OPCML: variants seen among roughly 807,000 people sequenced by gnomAD.
The protein encoded by OPCML is opioid binding protein/cell adhesion molecule like.
Under a neutral mutation model 37.8 loss-of-function variants are expected in OPCML, and 13 were observed. The observed-to-expected ratio is 0.34, with a 90% CI of 0.22 to 0.55. The LOEUF (loss-of-function observed/expected upper bound fraction) is 0.55. OPCML is among the 20% of genes least tolerant of loss of function. OPCML has a pLI of 0.91. For synonymous variants in OPCML, 176 were observed against 168.8 expected (o/e 1.04, Z -0.33); for missense variants, 341 against 435.6 (o/e 0.78, Z 1.93).
chr11:132,715,867 A>G (rs1380443879), intron 2 of OPCML, among the ~76,000 whole-genome samples: 2 of 152,166 alleles, frequency 1.3e-5, no homozygotes, highest in East Asian at 3.9e-4. Context: ...TACCTTACAA[A>G]TTAGTGGTCG....
chr11:133,087,206 A>G (rs995434171), intron 1 of OPCML, among the ~76,000 whole-genome samples: 5 of 152,210 alleles, frequency 3.3e-5, no homozygotes, highest in African/African-American at 1.2e-4. Flanking sequence ...CATTATCGTT[A>G]TATTTACCAA....
At chr11:133,075,229 T>C (rs1395951386) in intron 1 of OPCML, among the ~76,000 whole-genome samples, 1 of 152,202 alleles carries the variant, frequency 6.6e-6, no homozygotes, top group Non-Finnish European at 1.5e-5. Context: ...TCAATATTTC[T>C]ATGGCATTGT....
rs548468076 is a variant in OPCML at position 132,633,211 on chromosome 11, CT to C, written c.379+23875del. On this transcript the variant is annotated intron_variant, in intron 3 of 7. Transcript: ENST00000524381. ...AGGGGGACAATCGGTAGCTCTCTCT[CT>C]TTTTTTCTGAGACAGAGTCTCGCTC... Among the ~76,000 whole-genome samples, 152 of 152,164 alleles carry C rather than the reference CT, an allele frequency of 1.0e-3. 1 individual carries two copies. Among genetic ancestry groups the C allele is most frequent in the African/African-American group, 3.4e-3 (142 of 41,518 alleles).
intron 1 of OPCML, among the ~76,000 whole-genome samples, chr11:133,503,253 C>T (rs370287104): frequency 1.4e-4 from 22 of 152,292 alleles, no homozygotes; most frequent in South Asian, 1.2e-3. Context: ...TTCCCTGGCC[C>T]TATGAGCTCT....
intron 3 of OPCML, among the ~76,000 whole-genome samples, chr11:132,580,892 T>C (rs1252717282): frequency 6.6e-6 from 1 of 152,200 alleles, no homozygotes; most frequent in Non-Finnish European, 1.5e-5. Context: ...TATTTTGTTT[T>C]CTTTTTGCTT....
intron 1 of OPCML, among the ~76,000 whole-genome samples, chr11:133,296,922 G>T (rs1942645432): frequency 6.6e-6 from 1 of 152,132 alleles, no homozygotes; most frequent in African/African-American, 2.4e-5. Flanking sequence ...TTGGCCTTCA[G>T]TTCCCAGGAA....
At chr11:133,384,429 A>G (rs1945001366) in intron 1 of OPCML, among the ~76,000 whole-genome samples, 1 of 152,160 alleles carries the variant, frequency 6.6e-6, no homozygotes, top group Non-Finnish European at 1.5e-5. Context: ...GGTTGATAGT[A>G]TTAACATCTC....
At chr11:133,491,674 T>G (rs537323679) in intron 1 of OPCML, among the ~76,000 whole-genome samples, 1 of 152,294 alleles carries the variant, frequency 6.6e-6, no homozygotes, top group South Asian at 2.1e-4. Flanking sequence ...AGCAGCATGA[T>G]GAGGTTTGAA....
chr11:132,694,217 T>A (rs1470390300), intron 2 of OPCML, among the ~76,000 whole-genome samples: 1 of 120,738 alleles, frequency 8.3e-6, no homozygotes, highest in Non-Finnish European at 1.7e-5. Context: ...TTTTTTTTTT[T>A]AAGACGGAAT....
intron 1 of OPCML, among the ~76,000 whole-genome samples, chr11:133,529,316 C>A (rs956848125): frequency 6.6e-6 from 1 of 151,756 alleles, no homozygotes; most frequent in Admixed American, 6.5e-5. Flanking sequence ...TCGCTTCCTG[C>A]TTCCTACAGA....
At chr11:132,493,072 C>A (rs1365423106) in intron 4 of OPCML, among the ~76,000 whole-genome samples, 1 of 152,186 alleles carries the variant, frequency 6.6e-6, no homozygotes, top group Non-Finnish European at 1.5e-5. Flanking sequence ...GATGTGAGAA[C>A]AAAGAAGCCA....
chr11:133,082,839 A>G (rs951156722), intron 1 of OPCML, among the ~76,000 whole-genome samples: 2 of 149,122 alleles, frequency 1.3e-5, no homozygotes, highest in Non-Finnish European at 3.0e-5. Context: ...AGAGGTCGCC[A>G]GCCTGCAGGG....
At chr11:133,199,496 C>T (rs1333464884) in intron 1 of OPCML, among the ~76,000 whole-genome samples, 2 of 152,152 alleles carry the variant, frequency 1.3e-5, no homozygotes, top group African/African-American at 4.8e-5. Context: ...GGCAGGGGAA[C>T]AGTTAGCTGG....
chr11:132,749,066 G>C (rs574284505), intron 2 of OPCML, among the ~76,000 whole-genome samples: 520 of 152,228 alleles, frequency 3.4e-3, no homozygotes, highest in Non-Finnish European at 6.3e-3. Flanking sequence ...AAGTGATCAG[G>C]CTATGAGGGT....
At chr11:132,576,753 A>G (rs2096451884) in intron 3 of OPCML, among the ~76,000 whole-genome samples, 1 of 152,102 alleles carries the variant, frequency 6.6e-6, no homozygotes, top group African/African-American at 2.4e-5. Context: ...TCTTCTATAC[A>G]GGAGACGACT....
chr11:133,154,903 A>G (rs1159091059), intron 1 of OPCML, among the ~76,000 whole-genome samples: 2 of 152,216 alleles, frequency 1.3e-5, no homozygotes, highest in African/African-American at 4.8e-5. Flanking sequence ...AATTTTTCTT[A>G]TCTCAGAGAA....
At chr11:132,865,184 A>G (rs1359589643) in intron 2 of OPCML, among the ~76,000 whole-genome samples, 1 of 152,220 alleles carries the variant, frequency 6.6e-6, no homozygotes, top group Admixed American at 6.5e-5. Flanking sequence ...ACACACACAT[A>G]CGCGCGCACG....
At chr11:132,596,290 T>C (rs1478166482) in intron 3 of OPCML, among the ~76,000 whole-genome samples, 1 of 152,252 alleles carries the variant, frequency 6.6e-6, no homozygotes, top group Admixed American at 6.5e-5. Context: ...AGAGGCCAGA[T>C]GGGTTTGAAC....
chr11:132,708,850 C>T (rs1243752336), intron 2 of OPCML, among the ~76,000 whole-genome samples: 8 of 152,116 alleles, frequency 5.3e-5, no homozygotes, highest in South Asian at 2.1e-4. Context: ...AGATATTAAA[C>T]GATAATGAAA....
Sources: allele counts gnomAD v4.1 joint callset (sites outside exome capture counted in the v4.1 genomes callset), GRCh38; gene constraint gnomAD v4.1.1; transcripts MANE v1.5; gene names NCBI Gene and HGNC (gene_info 2026-07-23, HGNC 2026-07-21).